The following PRKN variants were observed in gnomAD, a reference collection of about 807,000 sequenced individuals.
The protein encoded by PRKN is E3 ubiquitin-protein ligase parkin.
A neutral mutation model predicts 59.5 loss-of-function variants in PRKN; 56 were observed. The observed-to-expected ratio is 0.94, with a 90% CI of 0.76 to 1.18. PRKN has a LOEUF of 1.18. Among genes scored for constraint, PRKN ranks in the 50% most tolerant of loss-of-function variants. The pLI is 0.00. For missense variants in PRKN, 657 were observed against 596.4 expected, an observed-to-expected ratio of 1.10 and a Z score of -1.06; for synonymous variants, 250 against 222.1, an observed-to-expected ratio of 1.13 and a Z score of -1.12.
intron 9 of PRKN, among the ~76,000 whole-genome samples, chr6:161,504,716 C>T (rs927499136): frequency 5.6e-5 from 8 of 141,848 alleles, no homozygotes; most frequent in African/African-American, 2.1e-4. Flanking sequence ...GATGTTCCCC[C>T]TCCTGTGTCC....
intron 9 of PRKN, among the ~76,000 whole-genome samples, chr6:161,543,656 C>T (rs556641933): frequency 6.6e-6 from 1 of 152,254 alleles, no homozygotes; most frequent in Admixed American, 6.5e-5. Context: ...TCTGCAGTTG[C>T]CACATTTTGT....
chr6:161,777,215 T>C (rs1341656959), intron 7 of PRKN, among the ~76,000 whole-genome samples: 3 of 152,182 alleles, frequency 2.0e-5, no homozygotes, highest in Admixed American at 1.3e-4. Context: ...ACCATATTTA[T>C]AGTAAGCGCT....
intron 6 of PRKN, among the ~76,000 whole-genome samples, chr6:161,940,492 A>C (rs1329168606): frequency 1.3e-5 from 2 of 152,158 alleles, no homozygotes; most frequent in South Asian, 4.1e-4. Flanking sequence ...AAAATGGGGC[A>C]AAATACCAGA....
intron 5 of PRKN, among the ~76,000 whole-genome samples, chr6:162,023,463 G>C (rs1783291616): frequency 6.6e-6 from 1 of 152,052 alleles, no homozygotes; most frequent in South Asian, 2.1e-4. Flanking sequence ...GGGCTGCTTC[G>C]GGGCCAGGGC....
At chr6:161,614,963 C>CAGAGAGAGAG (rs71694349) in intron 7 of PRKN, among the ~76,000 whole-genome samples, 17 of 147,226 alleles carry the variant, frequency 1.2e-4, no homozygotes, top group African/African-American at 3.8e-4. Flanking sequence ...GAGAGGAAGA[C>CAGAGAGAGAG]AGAGAGAGAG....
intron 3 of PRKN, among the ~76,000 whole-genome samples, chr6:162,217,102 C>A (rs1303430187): frequency 2.6e-5 from 4 of 152,124 alleles, no homozygotes; most frequent in Non-Finnish European, 5.9e-5. Flanking sequence ...ATTCTACAAT[C>A]GAAGAATCTC....
At chr6:161,558,863 G>A (rs1780344367) in intron 8 of PRKN, among the ~76,000 whole-genome samples, 2 of 151,528 alleles carry the variant, frequency 1.3e-5, no homozygotes, top group African/African-American at 2.4e-5. Flanking sequence ...CCTAAGTGGT[G>A]GCCCCCATGA....
At chr6:162,662,526 T>C (rs1256029000) in intron 1 of PRKN, among the ~76,000 whole-genome samples, 1 of 152,134 alleles carries the variant, frequency 6.6e-6, no homozygotes, top group African/African-American at 2.4e-5. Context: ...TTTTTCCCAG[T>C]TTTTCTTATA....
intron 6 of PRKN, among the ~76,000 whole-genome samples, chr6:161,898,079 C>T (rs1419703524): frequency 2.6e-5 from 4 of 151,106 alleles, no homozygotes; most frequent in Non-Finnish European, 5.9e-5. Flanking sequence ...AGAAGGATGA[C>T]TATAACAGAA....
intron 1 of PRKN, among the ~76,000 whole-genome samples, chr6:162,585,668 CTGAG>C (rs1449466127): frequency 2.6e-5 from 4 of 152,114 alleles, no homozygotes; most frequent in East Asian, 3.9e-4. Context: ...GGCAAATATA[CTGAG>C]TATTTCATAG....
At chr6:161,803,376 A>G (rs1431228303) in intron 6 of PRKN, among the ~76,000 whole-genome samples, 2 of 152,206 alleles carry the variant, frequency 1.3e-5, no homozygotes, top group East Asian at 3.8e-4. Flanking sequence ...CCTCCCCTGC[A>G]GCTTCCTTTG....
chr6:162,249,183 T>C (rs909257954), intron 3 of PRKN, among the ~76,000 whole-genome samples: 1 of 152,120 alleles, frequency 6.6e-6, no homozygotes, highest in African/African-American at 2.4e-5. Context: ...CTTTTGCATA[T>C]AAAATTTAAA....
chr6:162,579,359 T>C (rs1297097153), intron 1 of PRKN, among the ~76,000 whole-genome samples: 1 of 152,086 alleles, frequency 6.6e-6, no homozygotes, highest in African/African-American at 2.4e-5. Context: ...CTAATCACTG[T>C]AGTGGAGGGT....
chr6:161,535,739 G>T (rs1583201479), intron 9 of PRKN, among the ~76,000 whole-genome samples: 1 of 152,082 alleles, frequency 6.6e-6, no homozygotes, highest in South Asian at 2.1e-4. Flanking sequence ...TTGAAAAGTG[G>T]ACCTGGGGCT....
intron 6 of PRKN, among the ~76,000 whole-genome samples, chr6:161,808,904 G>A (rs755489636): frequency 2.0e-5 from 3 of 152,058 alleles, no homozygotes; most frequent in Non-Finnish European, 4.4e-5. Flanking sequence ...GCGGTGGTGC[G>A]ATCACAGTTC....
At position 161,592,994 on chromosome 6, in the gene PRKN, T is replaced by G. The variant is rs901796599; in HGVS notation, c.872-23578A>C. On this transcript the variant is annotated intron_variant, in intron 7 of 11. Coordinates refer to ENST00000366898, the MANE Select transcript of PRKN (RefSeq NM_004562.3). This position sits in a 1 kb window ranked among gnomAD's most constrained non-coding sequence, Gnocchi z 4.8. ...AGCCTTCATATTTTAGAAGGCATTC[T>G]ACATTATAATAATGTGAGATTTACA... 2.6e-5 allele frequency among the ~76,000 whole-genome samples: 4 copies of G among 152,214 alleles called. No individual in the cohort carries two copies. The South Asian group carries it at 8.3e-4, about 31-fold the overall frequency.
intron 2 of PRKN, among the ~76,000 whole-genome samples, chr6:162,271,823 A>G (rs1252609111): frequency 6.6e-6 from 1 of 152,208 alleles, no homozygotes; most frequent in Non-Finnish European, 1.5e-5. Context: ...ATTTAAAAAA[A>G]GGGGGACTTC....
At chr6:162,570,578 A>G (rs1476560282) in intron 1 of PRKN, among the ~76,000 whole-genome samples, 2 of 152,244 alleles carry the variant, frequency 1.3e-5, no homozygotes, top group South Asian at 2.1e-4. Flanking sequence ...GCATCCATCA[A>G]CAGATGAATA....
At chr6:162,710,415 A>ACACACACACACACACACACACACACAC (rs35854882) in intron 1 of PRKN, among the ~76,000 whole-genome samples, 2 of 144,442 alleles carry the variant, frequency 1.4e-5, no homozygotes, top group Admixed American at 6.8e-5. Context: ...ACACACACAC[A>ACACACACACACACACACACACACACAC]ACTGTTTGGT....
Sources: allele counts gnomAD v4.1 joint callset (sites outside exome capture counted in the v4.1 genomes callset), GRCh38; gene constraint gnomAD v4.1.1; non-coding constraint Gnocchi (gnomAD v3.1); transcripts MANE v1.5; gene names NCBI Gene and HGNC (gene_info 2026-07-23, HGNC 2026-07-21).